Variants in COL11A1 observed in about 807,000 individuals in gnomAD.
COL11A1 encodes collagen type XI alpha 1 chain.
In COL11A1, 74 loss-of-function variants were observed where a neutral mutation model predicts 265.2. The observed-to-expected ratio is 0.28, with a 90% CI of 0.23 to 0.34. The LOEUF is 0.34. COL11A1 is among the 10% of genes least tolerant of loss of function. COL11A1 has a pLI of 1.00. For missense variants in COL11A1, 2,165 were observed against 2,263.6 expected, an observed-to-expected ratio of 0.96 and a Z score of 0.88; for synonymous variants, 816 against 727.6, an observed-to-expected ratio of 1.12 and a Z score of -1.96.
Position 102,898,670 on chromosome 1 carries a change from G to T in COL11A1, c.4244C>A (p.Pro1415His). ...GPEGLRGIPGPVGEQGLPGAA... is the reference protein window; with the variant it reads ...GPEGLRGIPGHVGEQGLPGAA... ...CTTTTTAACACAGATGCTCACCACA[G>T]GACCAGGGATGCCCCGAAGACCTTC... Residue 1415 changes from proline to histidine, a missense_variant, in exon 56 of 67, where the codon CCT (proline) becomes CAT (histidine). Pro to His is a moderately conservative substitution (Grantham distance 77). Coordinates refer to ENST00000370096, the MANE Select transcript of COL11A1 (RefSeq NM_001854.4). 6.2e-7 allele frequency: 1 copy of T among 1,611,604 alleles called. No homozygotes were observed. The highest frequency in any genetic ancestry group is 8.5e-7 in the Non-Finnish European group (1 of 1,178,522).
At chr1:103,101,634 C>T (rs530519356) in intron 1 of COL11A1, among the ~76,000 whole-genome samples, 1 of 151,956 alleles carries the variant, frequency 6.6e-6, no homozygotes, top group South Asian at 2.1e-4. Flanking sequence ...TCCCCTGATA[C>T]TCTGTGCACT....
chr1:103,018,246 C>T (rs1666721174), intron 10 of COL11A1, among the ~76,000 whole-genome samples: 1 of 152,052 alleles, frequency 6.6e-6, no homozygotes, highest in Non-Finnish European at 1.5e-5. Flanking sequence ...AGGTTAGAGG[C>T]AATTATGTTT....
chr1:102,946,861 C>G lies in COL11A1; in HGVS notation c.3264G>C (p.Glu1088Asp), dbSNP rs1241711974. The G allele has an allele frequency of 6.2e-7, 1 of 1,613,344 alleles. No homozygotes were observed. Among genetic ancestry groups the G allele is most frequent in the Non-Finnish European group, 8.5e-7 (1 of 1,179,662 alleles). ...GPQGPPGPAG[E>D]KGAPGEKGPQ... is the part of the protein sequence containing the mutation. ...AGACATTACTTACAGGAGCACCTTTCTCTCCAGCTGGACCAGGAGGACCCT... is the reference window on the plus strand; with the variant it reads ...AGACATTACTTACAGGAGCACCTTTGTCTCCAGCTGGACCAGGAGGACCCT... The change falls in exon 42 of 67, where the codon GAG (glutamate) becomes GAC (aspartate). Residue 1088 changes from glutamate to aspartate, a missense_variant. Transcript: ENST00000370096.
intron 54 of COL11A1, among the ~76,000 whole-genome samples, chr1:102,906,021 T>G (rs978675446): frequency 5.3e-5 from 8 of 152,326 alleles, no homozygotes; most frequent in African/African-American, 1.9e-4. Flanking sequence ...TTTTATATTT[T>G]ATTTAATAAT....
chr1:103,002,954 T>G (rs1396327785), intron 21 of COL11A1, among the ~76,000 whole-genome samples, 163 bp from the exon 22 acceptor site: 1 of 152,172 alleles, frequency 6.6e-6, no homozygotes, highest in Non-Finnish European at 1.5e-5. Flanking sequence ...TACTTTCTTT[T>G]CCATGTCCAC....
At chr1:103,054,700 G>A (rs933225538) in intron 4 of COL11A1, among the ~76,000 whole-genome samples, 15 of 151,974 alleles carry the variant, frequency 9.9e-5, no homozygotes, top group Non-Finnish European at 2.1e-4. Flanking sequence ...TCGGGAGTTC[G>A]AGACCAGCCT....
At chr1:102,987,352 T>A (rs150811720) in intron 30 of COL11A1, among the ~76,000 whole-genome samples, 57 of 146,644 alleles carry the variant, frequency 3.9e-4, no homozygotes, top group African/African-American at 1.3e-3. Flanking sequence ...GTGATAACAC[T>A]TGTCATAGAC....
At chr1:103,097,039 A>G (rs935700703) in intron 1 of COL11A1, among the ~76,000 whole-genome samples, 2 of 152,000 alleles carry the variant, frequency 1.3e-5, no homozygotes, top group African/African-American at 4.8e-5. Flanking sequence ...GAGAACCCCA[A>G]GTGATTTGAC....
rs777133387 is a variant in COL11A1, at chr1:102,912,199, G to A, written c.4046C>T (p.Pro1349Leu). The change falls in exon 54 of 67, where the codon CCA (proline) becomes CTA (leucine). Residue 1349 changes from proline (P) to leucine (L), a missense_variant. Physicochemically the swap from Pro to Leu is moderately conservative, Grantham distance 98. Coordinates refer to ENST00000370096, the MANE Select transcript of COL11A1 (RefSeq NM_001854.4). ...GDPGQPGPPG[P>L]SGEAGPPGPP... is the part of the protein sequence containing the mutation. ...ACCTGGTGGGCCAGCCTCACCAGAT[G>A]GGCCAGGAGGACCCTATAAAATGTG... 1 of 1,610,328 alleles carries A rather than the reference G, an allele frequency of 6.2e-7. No homozygotes were observed. Among genetic ancestry groups the A allele is most frequent in the Non-Finnish European group, 8.5e-7 (1 of 1,178,526 alleles).
At chr1:103,075,624 G>A (rs1173497992) in intron 3 of COL11A1, among the ~76,000 whole-genome samples, 1 of 152,052 alleles carries the variant, frequency 6.6e-6, no homozygotes, top group African/African-American at 2.4e-5. Flanking sequence ...ACAATGTATA[G>A]TGCTAACATA....
At chr1:102,985,575 G>A (rs1338419387) in intron 30 of COL11A1, among the ~76,000 whole-genome samples, 1 of 152,098 alleles carries the variant, frequency 6.6e-6, no homozygotes, top group Non-Finnish European at 1.5e-5. Context: ...TAGAATGTAT[G>A]TATATACTCT....
At chr1:102,945,125 C>T (rs2101376185) in intron 42 of COL11A1, among the ~76,000 whole-genome samples, 1 of 152,194 alleles carries the variant, frequency 6.6e-6, no homozygotes, top group East Asian at 1.9e-4. Context: ...ATTCCCAGTG[C>T]AACAGTGTGG....
At chr1:102,951,825 C>T (rs959107728) in intron 41 of COL11A1, among the ~76,000 whole-genome samples, 2 of 151,936 alleles carry the variant, frequency 1.3e-5, no homozygotes, top group African/African-American at 4.8e-5. Context: ...TTCAAATTTG[C>T]AGGAAAATTG....
At chr1:102,937,810 T>C (rs1658302761) in intron 44 of COL11A1, among the ~76,000 whole-genome samples, 1 of 152,172 alleles carries the variant, frequency 6.6e-6, no homozygotes, top group Non-Finnish European at 1.5e-5. Context: ...TCCTTATAAA[T>C]TATCCAGCCT....
chr1:102,881,701 T>C lies in COL11A1; in HGVS notation c.5036A>G (p.Lys1679Arg). Residue 1679 changes from lysine to arginine, a missense_variant, in exon 65 of 67, where the codon AAA becomes AGA. Physicochemically the swap from Lys to Arg is conservative, Grantham distance 26. Coordinates refer to ENST00000370096, the MANE Select transcript of COL11A1 (RefSeq NM_001854.4). ...CATGTTGAGGTAATAACATACCAGT[T>C]TTCCCCTCTTAAATTCACTAAACCA... ...GSWFSEFKRG[K>R]LLSYLDVEGN... 6.2e-7 allele frequency: 1 copy of C among 1,611,776 alleles called. No homozygotes were observed.
chr1:102,883,188 T>C lies in COL11A1; in HGVS notation c.4971+11A>G, dbSNP rs995074235. On this transcript the variant is annotated intron_variant, in intron 64 of 66. Coordinates refer to ENST00000370096, the MANE Select transcript of COL11A1 (RefSeq NM_001854.4). ...TGTCAACATTCACCACCAAAACAGA[T>C]TGGTACTTACTCCCTCAGATTTTTT... The C allele has an allele frequency of 2.0e-5, 31 of 1,557,816 alleles. No individual in the cohort carries two copies. The African/African-American group carries it at 3.5e-4, about 18-fold the overall frequency.
chr1:102,941,034 A>C (rs1167994914), intron 42 of COL11A1, among the ~76,000 whole-genome samples: 1 of 152,138 alleles, frequency 6.6e-6, no homozygotes, highest in African/African-American at 2.4e-5. Flanking sequence ...TTATTTTCTA[A>C]GAGTCAAAAT....
At chr1:103,080,100 A>C (rs1672286097) in intron 2 of COL11A1, among the ~76,000 whole-genome samples, 3 of 151,992 alleles carry the variant, frequency 2.0e-5, no homozygotes, top group Admixed American at 1.3e-4. Context: ...GGTATGTAAT[A>C]GAATCGTATG....
intron 41 of COL11A1, among the ~76,000 whole-genome samples, chr1:102,951,205 C>T (rs983379155): frequency 1.3e-5 from 2 of 152,140 alleles, no homozygotes; most frequent in Non-Finnish European, 2.9e-5. Flanking sequence ...TTCTTATACA[C>T]TTTCTTATAG....
Sources: gnomAD v4.1 joint callset for allele counts (sites outside exome capture counted in the v4.1 genomes callset) on GRCh38, gnomAD v4.1.1 for gene constraint, MANE v1.5 for transcripts, NCBI Gene and HGNC (gene_info 2026-07-23, HGNC 2026-07-21) for gene names.